Variants in LONRF1 observed in about 807,000 individuals in gnomAD.
LONRF1 encodes the protein LON peptidase N-terminal domain and ring finger 1, also known as LON peptidase N-terminal domain and RING finger protein 1.
Under a neutral mutation model 85.8 loss-of-function variants are expected in LONRF1, and 37 were observed. The observed-to-expected ratio is 0.43, with a 90% CI of 0.33 to 0.57. The LOEUF is 0.57. LONRF1 is among the 20% of genes least tolerant of loss of function. The pLI is 0.04. For synonymous variants in LONRF1, 517 were observed against 390.1 expected (o/e 1.33, Z -3.83); for missense variants, 1,036 against 978.0 (o/e 1.06, Z -0.79).
At chr8:12,740,849 C>T in intron 3 of LONRF1, 25 bp downstream of exon 3, 2 of 1,610,738 alleles carry the variant, frequency 1.2e-6, no homozygotes, top group Non-Finnish European at 8.5e-7. Context: ...CTACCATGAA[C>T]TGTAATTGTT....
At chr8:12,748,158 T>C (rs1346693545) in intron 1 of LONRF1, among the ~76,000 whole-genome samples, 1 of 152,206 alleles carries the variant, frequency 6.6e-6, no homozygotes, top group Non-Finnish European at 1.5e-5. Context: ...GCTTGCCTTT[T>C]TAGTTATTTG....
At chr8:12,728,750 C>A in intron 10 of LONRF1, 151 bp downstream of exon 10, 1 of 777,144 alleles carries the variant, frequency 1.3e-6, no homozygotes, top group Non-Finnish European at 2.0e-6. Flanking sequence ...GAGCAAGATA[C>A]GAAAAAGGTA....
chr8:12,730,217 A>C (rs1798475634), intron 8 of LONRF1, among the ~76,000 whole-genome samples: 1 of 152,230 alleles, frequency 6.6e-6, no homozygotes. Context: ...GTATGAACTG[A>C]ATTAGAAGAA....
At chr8:12,735,488 T>G in intron 6 of LONRF1, 88 bp from the exon 7 acceptor site, 2 of 828,468 alleles carry the variant, frequency 2.4e-6, no homozygotes, top group Non-Finnish European at 4.0e-6. Context: ...CACTAATCTC[T>G]ATTTAAAGGA....
intron 4 of LONRF1, 76 bp downstream of exon 4, chr8:12,737,919 A>G: frequency 1.4e-6 from 2 of 1,471,320 alleles, no homozygotes. Flanking sequence ...TAGTACTTGA[A>G]ACTAGGAAAG....
chr8:12,726,796 C>T (rs906287475), intron 10 of LONRF1, among the ~76,000 whole-genome samples: 4 of 151,954 alleles, frequency 2.6e-5, no homozygotes, highest in Non-Finnish European at 4.4e-5. Flanking sequence ...GAAAACATTT[C>T]GAAATATAAA....
intron 1 of LONRF1, among the ~76,000 whole-genome samples, chr8:12,745,115 C>T (rs147311111): frequency 4.9e-4 from 74 of 152,152 alleles, no homozygotes; most frequent in African/African-American, 1.7e-3. Flanking sequence ...TATTCCTTCC[C>T]CTCTCCACAC....
At chr8:12,725,058 C>T (rs559613708) in intron 11 of LONRF1, among the ~76,000 whole-genome samples, 30 of 152,210 alleles carry the variant, frequency 2.0e-4, no homozygotes, top group Non-Finnish European at 3.4e-4. Context: ...ATGCCTAAAA[C>T]GTAGTGCTTT....
chr8:12,730,994 TAAAG>T (rs1327986518), intron 8 of LONRF1, among the ~76,000 whole-genome samples: 2 of 151,690 alleles, frequency 1.3e-5, no homozygotes, highest in East Asian at 3.9e-4. Context: ...GTAAAAGAAA[TAAAG>T]AAATTAAAAA....
intron 10 of LONRF1, among the ~76,000 whole-genome samples, chr8:12,726,798 A>G (rs1404664355): frequency 1.3e-5 from 2 of 152,232 alleles, no homozygotes; most frequent in Non-Finnish European, 2.9e-5. Flanking sequence ...AAACATTTCG[A>G]AATATAAAAA....
chr8:12,752,948 C>T (rs1364749848), intron 1 of LONRF1: 1 of 152,204 alleles, frequency 6.6e-6, no homozygotes, highest in African/African-American at 2.4e-5. Flanking sequence ...TACAGCACTG[C>T]CTCTCTACCA....
intron 10 of LONRF1, chr8:12,727,206 A>G (rs967471829): frequency 6.7e-6 from 1 of 149,692 alleles, no homozygotes; most frequent in African/African-American, 2.5e-5. Flanking sequence ...ACAAGGAATG[A>G]TAACAATTAT....
intron 1 of LONRF1, among the ~76,000 whole-genome samples, chr8:12,752,335 T>C (rs561783571): frequency 1.3e-3 from 199 of 152,364 alleles, no homozygotes; most frequent in African/African-American, 4.6e-3. Flanking sequence ...CCATAAATTG[T>C]GAGACACTTA....
rs35823658 is a variant in LONRF1 at position 12,739,341 on chromosome 8, C to CA, written c.964-1198dup. On this transcript the variant is annotated intron_variant, in intron 3 of 11. Coordinates refer to ENST00000398246, the MANE Select transcript of LONRF1 (RefSeq NM_152271.5). ...AGATGTATCTAAAAAATATGTTCAGCAAAAAAAAAAAAAAAAAACAAACCC... is the reference window on the plus strand; with the variant it reads ...AGATGTATCTAAAAAATATGTTCAGCAAAAAAAAAAAAAAAAAAACAAACCC... Among the ~76,000 whole-genome samples the CA allele has an allele frequency of 2.2e-3, 236 of 106,064 alleles. 3 individuals carry two copies. Among genetic ancestry groups the CA allele is most frequent in the East Asian group, 4.7e-3 (17 of 3,590 alleles). 69.6% of individuals were successfully genotyped at this position (106,064 alleles called of 152,430 possible).
At chr8:12,730,355 G>T (rs1798481121) in intron 8 of LONRF1, among the ~76,000 whole-genome samples, 1 of 152,160 alleles carries the variant, frequency 6.6e-6, no homozygotes, top group Admixed American at 6.5e-5. Context: ...AATGCCAATA[G>T]TTGATTCCCT....
chr8:12,746,194 G>C (rs930281434), intron 1 of LONRF1, among the ~76,000 whole-genome samples: 1 of 151,980 alleles, frequency 6.6e-6, no homozygotes, highest in Non-Finnish European at 1.5e-5. Context: ...CTTGCTCACT[G>C]ATCTCCCTGC....
At position 12,751,688 on chromosome 8, in the gene LONRF1, C is replaced by CT. The variant is rs74275298; in HGVS notation, c.721+3011dup. On this transcript the variant is annotated intron_variant, in intron 1 of 11. Transcript: ENST00000398246. ...AAATATCACCCCCCCACCTTACAAC[C>CT]TTTTTTTTTTTTTTTAACCTGTACA... 3.1e-3 allele frequency among the ~76,000 whole-genome samples: 440 copies of CT among 140,944 alleles called. 3 individuals carry two copies. The highest frequency in any genetic ancestry group is 7.0e-3 in the Admixed American group (98 of 14,066). The allele number at this position is 140,944 out of a possible 152,430, so 92.5% of individuals were successfully genotyped here.
At chr8:12,741,563 T>A (rs907445834) in intron 2 of LONRF1, among the ~76,000 whole-genome samples, 2 of 152,142 alleles carry the variant, frequency 1.3e-5, no homozygotes, top group Non-Finnish European at 2.9e-5. Flanking sequence ...AGAAATACCA[T>A]GTCCCCACAA....
Position 12,740,873 on chromosome 8 carries a change from C to T in LONRF1, c.963+1G>A. Reference sequence around the variant, plus strand: ...ACTGTAATTGTTGGTAAACTGATTACCTTTTGTACTTGCAGCTTTGCAGGT... The same window carrying T: ...ACTGTAATTGTTGGTAAACTGATTATCTTTTGTACTTGCAGCTTTGCAGGT... On this transcript the variant is annotated splice_donor_variant, in intron 3 of 11. Transcript: ENST00000398246. LOFTEE classifies it high-confidence loss of function. 1 of 1,612,832 alleles carries T rather than the reference C, an allele frequency of 6.2e-7. No homozygotes were observed. The highest frequency in any genetic ancestry group is 8.5e-7 in the Non-Finnish European group (1 of 1,179,286).
Sources: gnomAD v4.1 joint callset for allele counts (sites outside exome capture counted in the v4.1 genomes callset) on GRCh38, gnomAD v4.1.1 for gene constraint, MANE v1.5 for transcripts, NCBI Gene and HGNC (gene_info 2026-07-23, HGNC 2026-07-21) for gene names.